The following LONP2 variants were observed in gnomAD, a reference collection of about 807,000 sequenced individuals.
LONP2 encodes the protein lon peptidase 2, peroxisomal, also known as lon protease homolog 2, peroxisomal.
A neutral mutation model predicts 85.6 loss-of-function variants in LONP2; 60 were observed. The ratio of observed to expected loss-of-function variants is 0.70; its 90% CI spans 0.57 to 0.87. The LOEUF is 0.87. LONP2 is among the 40% of genes least tolerant of loss of function. The pLI, the probability that LONP2 is intolerant of heterozygous loss-of-function variation, is 0.00. For synonymous variants in LONP2, 395 were observed against 389.7 expected (o/e 1.01, Z -0.16); for missense variants, 860 against 1,063.5 (o/e 0.81, Z 2.66).
At chr16:48,334,143 G>C (rs1959561564) in intron 11 of LONP2, 73 bp from the exon 12 acceptor site, 1 of 1,438,732 alleles carries the variant, frequency 7.0e-7, no homozygotes, top group South Asian at 1.2e-5. Context: ...GCTTTTGTTT[G>C]ATATTTACTG....
intron 6 of LONP2, among the ~76,000 whole-genome samples, chr16:48,265,950 G>A (rs1393440308): frequency 6.6e-6 from 1 of 152,082 alleles, no homozygotes; most frequent in Non-Finnish European, 1.5e-5. Context: ...TTGTACTTAA[G>A]TATTTCATTC....
At chr16:48,298,850 G>A (rs1278524743) in intron 9 of LONP2, among the ~76,000 whole-genome samples, 1 of 151,790 alleles carries the variant, frequency 6.6e-6, no homozygotes, top group Non-Finnish European at 1.5e-5. Flanking sequence ...TGTTTTGTTT[G>A]TGAAAACGTT....
intron 9 of LONP2, 109 bp downstream of exon 9, chr16:48,296,274 A>G (rs1020997547): frequency 5.0e-6 from 6 of 1,208,674 alleles, no homozygotes; most frequent in South Asian, 1.4e-5. Flanking sequence ...CCAACATACA[A>G]TCTTCAGAAG....
intron 8 of LONP2, among the ~76,000 whole-genome samples, chr16:48,288,440 A>G (rs1972494584): frequency 6.6e-6 from 1 of 152,162 alleles, no homozygotes; most frequent in Admixed American, 6.5e-5. Context: ...GGCATGAGCC[A>G]CCGCGCCCAG....
chr16:48,294,162 A>G (rs1972618789), intron 8 of LONP2, among the ~76,000 whole-genome samples: 2 of 152,078 alleles, frequency 1.3e-5, no homozygotes, highest in South Asian at 2.1e-4. Flanking sequence ...GCTGGTCTCA[A>G]ACACCTGACC....
intron 3 of LONP2, among the ~76,000 whole-genome samples, chr16:48,258,372 C>T (rs1971807192): frequency 1.3e-5 from 2 of 151,102 alleles, no homozygotes; most frequent in East Asian, 1.9e-4. Context: ...AAAAAAACCA[C>T]ACAGCTTCAT....
At chr16:48,269,871 C>T (rs751212087) in intron 6 of LONP2, 145 bp from the exon 7 acceptor site, 23 of 819,136 alleles carry the variant, frequency 2.8e-5, no homozygotes, top group African/African-American at 5.2e-5. Flanking sequence ...TGCAGATCTC[C>T]TAGAATCCTC....
At chr16:48,332,822 C>T (rs147033918) in intron 11 of LONP2, among the ~76,000 whole-genome samples, 5 of 152,210 alleles carry the variant, frequency 3.3e-5, no homozygotes, top group African/African-American at 1.2e-4. Context: ...GCAGGAGAAT[C>T]GCTTGAACCC....
At chr16:48,261,051 C>T (rs1971863977) in intron 4 of LONP2, among the ~76,000 whole-genome samples, 1 of 152,112 alleles carries the variant, frequency 6.6e-6, no homozygotes, top group Non-Finnish European at 1.5e-5. Flanking sequence ...GAATTTTTTT[C>T]AGTCACCAAA....
chr16:48,264,434 G>A (rs1013873969), intron 6 of LONP2, among the ~76,000 whole-genome samples: 1 of 152,182 alleles, frequency 6.6e-6, no homozygotes, highest in Non-Finnish European at 1.5e-5. Flanking sequence ...GAGAAATATG[G>A]CTCTGTTCTG....
chr16:48,338,921 A>G (rs1959735687), intron 12 of LONP2, among the ~76,000 whole-genome samples: 1 of 152,076 alleles, frequency 6.6e-6, no homozygotes, highest in African/African-American at 2.4e-5. Flanking sequence ...AAAATAAAAT[A>G]AAAGTTAGAA....
intron 9 of LONP2, among the ~76,000 whole-genome samples, chr16:48,296,490 G>A (rs909172245): frequency 6.6e-6 from 1 of 152,196 alleles, no homozygotes. Flanking sequence ...CACTTTGGGA[G>A]GCTGAGGCAG....
At chr16:48,307,154 G>T (rs892900445) in intron 11 of LONP2, among the ~76,000 whole-genome samples, 7 of 152,174 alleles carry the variant, frequency 4.6e-5, no homozygotes, top group African/African-American at 1.7e-4. Flanking sequence ...TAAAAAGCAG[G>T]TGAGATTTAG....
intron 10 of LONP2, among the ~76,000 whole-genome samples, chr16:48,302,021 A>G (rs554535960): frequency 6.6e-6 from 1 of 152,360 alleles, no homozygotes; most frequent in South Asian, 2.1e-4. Context: ...GATAGAGTCT[A>G]AACAGTTCAT....
intron 11 of LONP2, among the ~76,000 whole-genome samples, chr16:48,331,560 G>T (rs188284451): frequency 1.1e-4 from 17 of 151,556 alleles, no homozygotes; most frequent in Non-Finnish European, 1.9e-4. Context: ...GTCTCCAAAG[G>T]ATTTTCTTTT....
At chr16:48,298,933 C>T (rs1287837692) in intron 9 of LONP2, among the ~76,000 whole-genome samples, 2 of 151,600 alleles carry the variant, frequency 1.3e-5, no homozygotes, top group African/African-American at 2.4e-5. Flanking sequence ...CTCTGTTGCC[C>T]AGGCTGGAGT....
chr16:48,295,873 C>A, intron 8 of LONP2, 142 bp from the exon 9 acceptor site: 2 of 708,194 alleles, frequency 2.8e-6, no homozygotes, highest in East Asian at 2.6e-5. Flanking sequence ...AATAATAATG[C>A]TCAGATGTTA....
At chr16:48,323,643 T>A (rs1355617411) in intron 11 of LONP2, among the ~76,000 whole-genome samples, 1 of 145,482 alleles carries the variant, frequency 6.9e-6, no homozygotes, top group East Asian at 2.0e-4. Flanking sequence ...GGGCAACAGG[T>A]GAGACTCTGT....
chr16:48,302,108 A>G (rs576636445), intron 10 of LONP2, among the ~76,000 whole-genome samples: 1 of 152,348 alleles, frequency 6.6e-6, no homozygotes, highest in African/African-American at 2.4e-5. Flanking sequence ...AGCTTTTTAA[A>G]GATTATTCTC....
Sources: allele counts gnomAD v4.1 joint callset (sites outside exome capture counted in the v4.1 genomes callset), GRCh38; gene constraint gnomAD v4.1.1; transcripts MANE v1.5; gene names NCBI Gene and HGNC (gene_info 2026-07-23, HGNC 2026-07-21).